The following ROPN1 variants were observed in gnomAD, a reference collection of about 807,000 sequenced individuals.
ROPN1 encodes rhophilin associated tail protein 1.
ROPN1 carries 14 observed loss-of-function variants against 20.5 expected under a neutral mutation model. The ratio of observed to expected loss-of-function variants is 0.68; its 90% CI spans 0.45 to 1.07. The LOEUF (loss-of-function observed/expected upper bound fraction) is 1.07. Ranked by LOEUF, ROPN1 falls within the 50% of genes least tolerant of loss-of-function variation. ROPN1 has a pLI of 0.00. For missense variants in ROPN1, 169 were observed against 242.8 expected, an observed-to-expected ratio of 0.70 and a Z score of 2.02; for synonymous variants, 76 against 95.7, an observed-to-expected ratio of 0.79 and a Z score of 1.20.
At chr3:123,976,766 T>C (rs2038032153) in intron 3 of ROPN1, 98 bp downstream of exon 3, 2 of 1,178,054 alleles carry the variant, frequency 1.7e-6, no homozygotes, top group African/African-American at 1.5e-5. Context: ...TGCTAAGTGG[T>C]CAGCTGACTG....
At chr3:123,976,537 A>G (rs916740660) in intron 3 of ROPN1, among the ~76,000 whole-genome samples, 17 of 152,312 alleles carry the variant, frequency 1.1e-4, no homozygotes, top group Middle Eastern at 3.4e-3. Context: ...ATCATATTAC[A>G]GTCTTGATCA....
rs376672808 is a variant in ROPN1, at chr3:123,980,489, T to C, written c.-8A>G. 3.7e-6 allele frequency: 6 copies of C among 1,613,864 alleles called. No individual in the cohort carries two copies. In the African/African-American group the frequency reaches 4.0e-5, roughly 11 times the overall value. On this transcript the variant is annotated 5_prime_UTR_variant, in exon 2 of 6. Coordinates refer to ENST00000405845, the MANE Select transcript of ROPN1 (RefSeq NM_001317774.2). ...CTTATCTGTCTGAGCCATTGATTGG[T>C]TGGCCTATTCTCAGGAGAAAAAAAT...
chr3:123,980,381 A>T lies in ROPN1; in HGVS notation c.101T>A (p.Ile34Asn). Residue 34 changes from isoleucine to asparagine, a missense_variant, in exon 2 of 6, where the codon ATC (isoleucine) becomes AAC (asparagine). Ile to Asn is a moderately radical substitution (Grantham distance 149, BLOSUM62 -3). Coordinates refer to ENST00000405845, the MANE Select transcript of ROPN1 (RefSeq NM_001317774.2). Reference protein sequence around the residue: ...AAIRVQPQDLIQWAADYFEAL... With the variant: ...AAIRVQPQDLNQWAADYFEAL... ...GAGCACGTACTCGGCTGCCCACTGGATGAGGTCCTGCGGCTGCACCCTAAT... is the reference window on the plus strand; with the variant it reads ...GAGCACGTACTCGGCTGCCCACTGGTTGAGGTCCTGCGGCTGCACCCTAAT... The T allele has an allele frequency of 1.2e-6, 2 of 1,614,152 alleles. No homozygotes were observed. Among genetic ancestry groups the T allele is most frequent in the Non-Finnish European group, 1.7e-6 (2 of 1,180,020 alleles).
chr3:123,979,301 C>A, intron 2 of ROPN1: 1 of 354,648 alleles, frequency 2.8e-6, no homozygotes. Context: ...ACTCTCCCCA[C>A]CATCTGCCCA....
intron 5 of ROPN1, among the ~76,000 whole-genome samples, chr3:123,969,785 G>C (rs1281350029): frequency 6.6e-6 from 1 of 152,178 alleles, no homozygotes. Context: ...CTGAGATTCT[G>C]CATTTCTAAC....
At position 123,986,018 on chromosome 3, in the gene ROPN1, A is replaced by AAAT. The variant is rs201340337; in HGVS notation, c.-12-5526_-12-5525insATT. Among the ~76,000 whole-genome samples the AAAT allele has an allele frequency of 9.0e-4, 85 of 93,982 alleles. 22 individuals are homozygous for AAAT. The highest frequency in any genetic ancestry group is 7.8e-3 in the East Asian group (16 of 2,060). The allele number at this position is 93,982 out of a possible 152,430, so 61.7% of individuals were successfully genotyped here. A position where few individuals can be genotyped will look rare whatever the true frequency, so the allele number is the denominator to read the frequency against. Reference sequence around the variant, plus strand: ...AAAAAAAAAAAAAAAAAAAAAAAAAATCAAAATATTTAAATTATACTTGAA... The same window carrying AAAT: ...AAAAAAAAAAAAAAAAAAAAAAAAAAAATTCAAAATATTTAAATTATACTTGAA... On this transcript the variant is annotated intron_variant, in intron 1 of 5. Coordinates refer to ENST00000405845, the MANE Select transcript of ROPN1 (RefSeq NM_001317774.2).
chr3:123,970,276 C>T (rs1364088197), intron 4 of ROPN1, 59 bp from the exon 5 acceptor site: 8 of 1,485,512 alleles, frequency 5.4e-6, no homozygotes, highest in South Asian at 2.4e-5. Flanking sequence ...TTCCTGAGAT[C>T]GGTTTAGATA....
At chr3:123,969,399 G>A (rs1208004875) in intron 5 of ROPN1, among the ~76,000 whole-genome samples, 178 bp from the exon 6 acceptor site, 3 of 152,118 alleles carry the variant, frequency 2.0e-5, no homozygotes, top group Non-Finnish European at 4.4e-5. Context: ...AGTAACTGGT[G>A]CAATCTTGGC....
At chr3:123,988,783 A>G (rs1011065183) in intron 1 of ROPN1, among the ~76,000 whole-genome samples, 6 of 152,034 alleles carry the variant, frequency 3.9e-5, no homozygotes, top group African/African-American at 1.5e-4. Context: ...ACTGGGATAC[A>G]TGAATAAATA....
chr3:123,978,137 C>T (rs1422323732), intron 2 of ROPN1, among the ~76,000 whole-genome samples: 4 of 152,168 alleles, frequency 2.6e-5, no homozygotes, highest in Admixed American at 1.3e-4. Flanking sequence ...CTCTGAGCCA[C>T]GTAGCAAGGC....
intron 4 of ROPN1, among the ~76,000 whole-genome samples, chr3:123,973,165 T>C (rs114723131): frequency 0.012 from 1,797 of 152,224 alleles, 34 homozygotes; most frequent in African/African-American, 0.041. Context: ...AACACAAACA[T>C]TCACACCGTA....
At chr3:123,983,265 T>C (rs1417042208) in intron 1 of ROPN1, among the ~76,000 whole-genome samples, 1 of 152,006 alleles carries the variant, frequency 6.6e-6, no homozygotes, top group Non-Finnish European at 1.5e-5. Flanking sequence ...TGCTTTAAAT[T>C]GTGTTGGGTA....
chr3:123,975,738 TTTA>T (rs1271467315), intron 3 of ROPN1, 198 bp from the exon 4 acceptor site: 1 of 441,960 alleles, frequency 2.3e-6, no homozygotes, highest in Non-Finnish European at 4.0e-6. Flanking sequence ...TGAAATATAA[TTTA>T]TTAATTCTCA....
chr3:123,976,154 T>C (rs1423880425), intron 3 of ROPN1, among the ~76,000 whole-genome samples: 6 of 152,182 alleles, frequency 3.9e-5, no homozygotes, highest in Non-Finnish European at 8.8e-5. Flanking sequence ...GGTGACTGGT[T>C]GTTGGCCACC....
Position 123,970,128 on chromosome 3 carries a change from C to A in ROPN1, c.486G>T (p.Gln162His). The change falls in exon 5 of 6, where the codon CAG becomes CAT. Residue 162 changes from glutamine to histidine, a missense_variant. Physicochemically the swap from Gln to His is conservative, Grantham distance 24 (BLOSUM62 0). This residue lies in a region of ROPN1 where 82 missense variants were observed against 100.1 expected (regional missense o/e 0.82). Coordinates refer to ENST00000405845, the MANE Select transcript of ROPN1 (RefSeq NM_001317774.2). ...GSPRIPFSTF[Q>H]FLYTYIAKVD... The stretch of plus-strand genomic sequence containing the variant: ...CTTTGGCAATATACGTGTAGAGAAA[C>A]TGGAAGGTGCTGAACGGGATCCGGG... 1 of 1,614,164 alleles carries A rather than the reference C, an allele frequency of 6.2e-7. No homozygotes were observed. The highest frequency in any genetic ancestry group is 1.1e-5 in the South Asian group (1 of 91,084).
At chr3:123,980,345 A>G (rs2038112775) in intron 2 of ROPN1, 21 bp downstream of exon 2, 2 of 1,612,698 alleles carry the variant, frequency 1.2e-6, no homozygotes, top group Admixed American at 1.7e-5. Context: ...CAAGGGGTGA[A>G]GGCGAGAAAG....
chr3:123,985,952 C>T (rs867874271), intron 1 of ROPN1, among the ~76,000 whole-genome samples: 47 of 121,122 alleles, frequency 3.9e-4, no homozygotes, highest in Middle Eastern at 7.9e-3. Flanking sequence ...AAGATCACAC[C>T]GCTGTACTCT....
chr3:123,978,199 G>A (rs1435707567), intron 2 of ROPN1, among the ~76,000 whole-genome samples: 1 of 151,910 alleles, frequency 6.6e-6, no homozygotes, highest in African/African-American at 2.4e-5. Flanking sequence ...CCCCTTGGAG[G>A]TCATCAGCAG....
intron 4 of ROPN1, 111 bp from the exon 5 acceptor site, chr3:123,970,328 G>A: frequency 1.1e-6 from 1 of 939,230 alleles, no homozygotes; most frequent in Non-Finnish European, 1.6e-6. Flanking sequence ...AAATGAAGTG[G>A]GAACAATTTA....
Sources: gnomAD v4.1 joint callset for allele counts (sites outside exome capture counted in the v4.1 genomes callset) on GRCh38, gnomAD v4.1.1 for gene constraint, gnomAD v4.1.1 regional missense constraint, MANE v1.5 for transcripts, NCBI Gene and HGNC (gene_info 2026-07-23, HGNC 2026-07-21) for gene names.